HERC4: variants seen among roughly 807,000 people sequenced by gnomAD.
The protein encoded by HERC4 is HECT and RLD domain containing E3 ubiquitin protein ligase 4, also known as probable E3 ubiquitin-protein ligase HERC4.
In HERC4, 28 loss-of-function variants were observed where a neutral mutation model predicts 124.3. The observed-to-expected ratio is 0.23, with a 90% CI of 0.17 to 0.31. HERC4 has a LOEUF of 0.31. Ranked by LOEUF, HERC4 falls within the 10% of genes least tolerant of loss-of-function variation. The probability of loss-of-function intolerance (pLI) is 1.00; values close to 1 mark genes in which losing one functional copy is unlikely to be tolerated. For missense variants in HERC4, 713 were observed against 1,229.3 expected (o/e 0.58, Z 6.28); for synonymous variants, 407 against 421.5 (o/e 0.97, Z 0.42).
At chr10:67,992,367 TATAA>T in intron 10 of HERC4, 44 bp from the exon 11 acceptor site, 1 of 1,589,286 alleles carries the variant, frequency 6.3e-7, no homozygotes, top group African/African-American at 1.4e-5. Flanking sequence ...AGATATTATA[TATAA>T]CTCAAAAACC....
At chr10:67,996,747 G>A (rs892482589) in intron 9 of HERC4, among the ~76,000 whole-genome samples, 2 of 152,022 alleles carry the variant, frequency 1.3e-5, no homozygotes, top group Non-Finnish European at 2.9e-5. Context: ...CACTTTGGGA[G>A]GCCAAGGTGG....
intron 3 of HERC4, among the ~76,000 whole-genome samples, chr10:68,060,410 G>GT (rs1446722881): frequency 6.6e-6 from 1 of 151,934 alleles, no homozygotes; most frequent in African/African-American, 2.4e-5. Flanking sequence ...GCTAATTTTT[G>GT]TATTTTTTTT....
rs556957973 is a variant in HERC4 at position 68,065,458 on chromosome 10, AAACC to A, written c.226+7421_226+7424del. On this transcript the variant is annotated intron_variant, in intron 3 of 24. Coordinates refer to ENST00000373700, the MANE Select transcript of HERC4 (RefSeq NM_015601.4). ...GAATGTCTTATGGCCAAGAAAGGCT[AAACC>A]AAAATTCTGCCATGCTAGAAATGAA... is the stretch of plus-strand genomic sequence containing the variant. Among the ~76,000 whole-genome samples, 35 of 152,348 alleles carry A rather than the reference AAACC, an allele frequency of 2.3e-4. No individual in the cohort carries two copies. In the South Asian group the frequency reaches 6.8e-3, roughly 30 times the overall value.
chr10:68,027,097 C>T (rs561423335), intron 7 of HERC4, among the ~76,000 whole-genome samples: 17 of 152,302 alleles, frequency 1.1e-4, no homozygotes, highest in Admixed American at 9.2e-4. Context: ...TGTGATAACA[C>T]AATCACAATT....
intron 15 of HERC4, among the ~76,000 whole-genome samples, chr10:67,981,794 C>A (rs1298556259): frequency 6.6e-6 from 1 of 151,932 alleles, no homozygotes; most frequent in Non-Finnish European, 1.5e-5. Context: ...CCCATCTCTA[C>A]TAAAAAATAG....
At chr10:67,950,071 CAA>C (rs1161172544) in intron 19 of HERC4, among the ~76,000 whole-genome samples, 4 of 152,120 alleles carry the variant, frequency 2.6e-5, no homozygotes, top group South Asian at 2.1e-4. Context: ...AACCATTACA[CAA>C]AAGAGTATCT....
chr10:68,040,899 A>G (rs369670268), intron 4 of HERC4, among the ~76,000 whole-genome samples: 1 of 151,688 alleles, frequency 6.6e-6, no homozygotes, highest in Non-Finnish European at 1.5e-5. Flanking sequence ...AAAAAAAAAA[A>G]AAAGAAAGAA....
At chr10:67,940,276 T>A (rs2032765944) in intron 20 of HERC4, among the ~76,000 whole-genome samples, 1 of 152,156 alleles carries the variant, frequency 6.6e-6, no homozygotes, top group East Asian at 1.9e-4. Flanking sequence ...TTAATAAAAA[T>A]AAATTTCACA....
intron 16 of HERC4, among the ~76,000 whole-genome samples, chr10:67,962,820 G>C (rs1343931848): frequency 6.6e-6 from 1 of 152,100 alleles, no homozygotes; most frequent in Non-Finnish European, 1.5e-5. Context: ...CAAGAGAACA[G>C]AGTTATTAGA....
At chr10:67,935,917 T>C (rs2032317779) in intron 22 of HERC4, among the ~76,000 whole-genome samples, 1 of 152,228 alleles carries the variant, frequency 6.6e-6, no homozygotes, top group African/African-American at 2.4e-5. Flanking sequence ...TTGCTTAAGT[T>C]AGTTACTACT....
intron 9 of HERC4, among the ~76,000 whole-genome samples, chr10:68,001,429 T>C (rs1305715519): frequency 6.6e-6 from 1 of 152,104 alleles, no homozygotes; most frequent in Admixed American, 6.6e-5. Flanking sequence ...AGATAGTTTA[T>C]GATTAAAATG....
chr10:68,043,352 G>T (rs2039862975), intron 4 of HERC4, among the ~76,000 whole-genome samples: 1 of 152,008 alleles, frequency 6.6e-6, no homozygotes, highest in Non-Finnish European at 1.5e-5. Flanking sequence ...TGTTCTATAA[G>T]AATTACTATT....
intron 16 of HERC4, chr10:67,959,248 T>TA: frequency 2.2e-6 from 2 of 894,742 alleles, no homozygotes; most frequent in Non-Finnish European, 3.4e-6. Flanking sequence ...CAGCAGAATA[T>TA]TGAAGTAATG....
At chr10:68,037,941 C>T in intron 5 of HERC4, 152 bp downstream of exon 5, 1 of 560,218 alleles carries the variant, frequency 1.8e-6, no homozygotes, top group Non-Finnish European at 3.1e-6. Context: ...TACAGACTGA[C>T]AAGCTAATTC....
intron 3 of HERC4, among the ~76,000 whole-genome samples, chr10:68,060,473 T>G (rs1475391913): frequency 6.6e-6 from 1 of 152,122 alleles, no homozygotes; most frequent in African/African-American, 2.4e-5. Flanking sequence ...ACTCCTGACC[T>G]TGTGATCCAC....
At chr10:67,943,653 ATAGT>A (rs1177023183) in intron 19 of HERC4, among the ~76,000 whole-genome samples, 2 of 152,202 alleles carry the variant, frequency 1.3e-5, no homozygotes, top group East Asian at 1.9e-4. Flanking sequence ...GAGACAGCTG[ATAGT>A]TAGGGTGCTG....
At chr10:67,976,548 A>G (rs768889638) in intron 15 of HERC4, among the ~76,000 whole-genome samples, 26 of 152,182 alleles carry the variant, frequency 1.7e-4, no homozygotes, top group Non-Finnish European at 3.5e-4. Flanking sequence ...CTGCATGGAC[A>G]CCAATTTAAC....
At chr10:67,948,814 G>C (rs113787028) in intron 19 of HERC4, among the ~76,000 whole-genome samples, 13,659 of 152,086 alleles carry the variant, frequency 0.09, 1,651 homozygotes, top group African/African-American at 0.28. Context: ...CCAGCTACTT[G>C]GGAGGCTGAG....
chr10:68,015,955 T>C (rs1589329673), intron 8 of HERC4, among the ~76,000 whole-genome samples: 1 of 151,960 alleles, frequency 6.6e-6, no homozygotes, highest in African/African-American at 2.4e-5. Flanking sequence ...ATACAAAAAT[T>C]AGCTGGGCAC....
Sources: allele counts gnomAD v4.1 joint callset (sites outside exome capture counted in the v4.1 genomes callset), GRCh38; gene constraint gnomAD v4.1.1; transcripts MANE v1.5; gene names NCBI Gene and HGNC (gene_info 2026-07-23, HGNC 2026-07-21).